ODF2: variants seen among roughly 807,000 people sequenced by gnomAD.
ODF2 encodes the protein outer dense fiber protein 2.
Under a neutral mutation model 110.2 loss-of-function variants are expected in ODF2, and 47 were observed. The ratio of observed to expected loss-of-function variants is 0.43; its 90% CI spans 0.34 to 0.54. The LOEUF is 0.54. ODF2 is among the 20% of genes least tolerant of loss of function. ODF2 has a pLI of 0.03. For synonymous variants in ODF2, 352 were observed against 397.7 expected, an observed-to-expected ratio of 0.89 and a Z score of 1.37; for missense variants, 812 against 1,054.5, an observed-to-expected ratio of 0.77 and a Z score of 3.19.
upstream of ODF2, chr9:128,455,323 G>A (rs1308340880): frequency 4.4e-6 from 5 of 1,130,384 alleles, no homozygotes; most frequent in South Asian, 1.4e-5. Flanking sequence ...AGGCCGAGGC[G>A]GGTGGATCAT....
At chr9:128,499,964 C>A in intron 20 of ODF2, 103 bp from the exon 21 acceptor site, 1 of 1,222,090 alleles carries the variant, frequency 8.2e-7, no homozygotes, top group Non-Finnish European at 1.1e-6. Context: ...TCCACACTCG[C>A]CTCCCCAAAC....
exon 12 of ODF2, chr9:128,484,838 G>A (rs1227022925): frequency 1.9e-6 from 3 of 1,614,112 alleles, no homozygotes; most frequent in Non-Finnish European, 2.5e-6. Flanking sequence ...AGCGAGCCGA[G>A]AAGAGCGAGG....
chr9:128,494,451 G>A lies in ODF2; in HGVS notation c.1753-59G>A, dbSNP rs1314205042. On this transcript the variant is annotated intron_variant, in intron 16 of 20. Transcript: ENST00000604420. The surrounding 1 kb of genome is among the most constrained non-coding windows in gnomAD (Gnocchi z 4.6). ...AGGACTCTGCCTGGCTCCACTAGGA[G>A]CCAGGTCTTTCCTAACTGTGGGTCT... 1 of 1,535,558 alleles carries A rather than the reference G, an allele frequency of 6.5e-7. No homozygotes were observed. The highest frequency in any genetic ancestry group is 1.1e-5 in the South Asian group (1 of 88,624).
upstream of ODF2, chr9:128,455,410 C>T (rs1834568439): frequency 6.8e-6 from 3 of 442,086 alleles, no homozygotes; most frequent in South Asian, 7.2e-5. Flanking sequence ...AAAAATTAGC[C>T]GGGCGTTGTG....
At chr9:128,461,350 T>G in intron 4 of ODF2, 1 of 416,662 alleles carries the variant, frequency 2.4e-6, no homozygotes, top group Non-Finnish European at 4.4e-6. Context: ...GAGTTAAGAT[T>G]CATTCTAGAG....
intron 4 of ODF2, among the ~76,000 whole-genome samples, chr9:128,468,600 G>A (rs1015495531): frequency 6.6e-6 from 1 of 152,016 alleles, no homozygotes; most frequent in Admixed American, 6.6e-5. Context: ...TTGGCTCACT[G>A]CAACCTCTAC....
At chr9:128,462,841 C>T (rs1192032621) in intron 4 of ODF2, among the ~76,000 whole-genome samples, 1 of 152,090 alleles carries the variant, frequency 6.6e-6, no homozygotes, top group Non-Finnish European at 1.5e-5. Flanking sequence ...GATCCGCCTA[C>T]CTCAGCCTCC....
At chr9:128,491,265 G>A (rs1425194826) in intron 14 of ODF2, among the ~76,000 whole-genome samples, 3 of 151,902 alleles carry the variant, frequency 2.0e-5, no homozygotes, top group Non-Finnish European at 2.9e-5. Context: ...GGCTGGTCTC[G>A]AACTCCTGAC....
intron 16 of ODF2, 108 bp downstream of exon 16, chr9:128,492,913 C>A: frequency 1.2e-6 from 1 of 853,008 alleles, no homozygotes; most frequent in Non-Finnish European, 1.9e-6. Flanking sequence ...ATTTGGGCAA[C>A]AAAGGTGAGC....
At chr9:128,459,542 A>G in intron 2 of ODF2, 25 bp from the exon 2 acceptor site, 3 of 1,594,640 alleles carry the variant, frequency 1.9e-6, no homozygotes, top group Non-Finnish European at 2.6e-6. Context: ...TCTGCTTACA[A>G]TCTGGTTCTT....
intron 8 of ODF2, among the ~76,000 whole-genome samples, chr9:128,475,940 G>A (rs971214636): frequency 3.3e-5 from 5 of 151,858 alleles, no homozygotes; most frequent in Non-Finnish European, 5.9e-5. Flanking sequence ...CACCGCGCCC[G>A]GCCGAGTTCA....
At chr9:128,497,446 A>AAAAAAATAT (rs1554857542) in intron 18 of ODF2, 5 of 42,592 alleles carry the variant, frequency 1.2e-4, no homozygotes, top group African/African-American at 1.5e-4. Flanking sequence ...AAAAAAAAAA[A>AAAAAAATAT]ATATATATAT....
chr9:128,464,091 C>G (rs184426865), intron 4 of ODF2, among the ~76,000 whole-genome samples: 1 of 151,218 alleles, frequency 6.6e-6, no homozygotes, highest in Admixed American at 6.6e-5. Context: ...GTAACCCGCC[C>G]ACCTCAGCCT....
intron 3 of ODF2, 150 bp from the exon 3 acceptor site, chr9:128,460,400 C>T: frequency 7.0e-7 from 1 of 1,437,770 alleles, no homozygotes; most frequent in Admixed American, 2.2e-5. Flanking sequence ...CCGCCTTACT[C>T]CCTGCCTGCA....
chr9:128,457,954 T>C (rs1202387278), intron 2 of ODF2, among the ~76,000 whole-genome samples: 1 of 149,598 alleles, frequency 6.7e-6, no homozygotes, highest in African/African-American at 2.5e-5. Context: ...TTTTTTTTTT[T>C]TCCCCTCTTT....
chr9:128,481,560 T>C lies in ODF2; in HGVS notation c.844-20T>C. 3 of 1,605,390 alleles carry C rather than the reference T, an allele frequency of 1.9e-6. No homozygotes were observed. Among genetic ancestry groups the C allele is most frequent in the Non-Finnish European group, 2.6e-6 (3 of 1,173,526 alleles). On this transcript the variant is annotated intron_variant, in intron 8 of 20. Coordinates refer to ENST00000604420, the Ensembl canonical transcript of ODF2. ...TTTATTGCTTAATGACTTGACTTTT[T>C]CCTTTGCCTTTCTTTGAAGGATTCT... is the stretch of plus-strand genomic sequence containing the variant.
intron 18 of ODF2, chr9:128,497,449 ATATATAT>A (rs1845826342): frequency 4.8e-4 from 25 of 52,134 alleles, no homozygotes; most frequent in South Asian, 6.5e-4. Context: ...AAAAAAAAAT[ATATATAT>A]ATATATATAT....
intron 2 of ODF2, among the ~76,000 whole-genome samples, chr9:128,459,262 T>C (rs1299476059): frequency 1.3e-5 from 2 of 152,246 alleles, no homozygotes; most frequent in African/African-American, 4.8e-5. Flanking sequence ...CTTCTGTTCA[T>C]GTGCTGCTTG....
At chr9:128,472,073 G>A (rs1229193767) in intron 6 of ODF2, among the ~76,000 whole-genome samples, 3 of 152,180 alleles carry the variant, frequency 2.0e-5, no homozygotes, top group Non-Finnish European at 2.9e-5. Context: ...AAGGTCAGGA[G>A]TTCGAGACCA....
Sources: gnomAD v4.1 joint callset for allele counts (sites outside exome capture counted in the v4.1 genomes callset) on GRCh38, gnomAD v4.1.1 for gene constraint, Gnocchi (gnomAD v3.1) non-coding constraint, MANE v1.5 for transcripts, NCBI Gene and HGNC (gene_info 2026-07-23, HGNC 2026-07-21) for gene names.